Variants in CDH13 observed in about 807,000 individuals in gnomAD.
CDH13 encodes cadherin 13, also known as cadherin-13.
A neutral mutation model predicts 63.8 loss-of-function variants in CDH13; 24 were observed. That is an observed-to-expected ratio of 0.38 (90% CI 0.27 to 0.53). The LOEUF is 0.53. Among genes scored for constraint, CDH13 ranks in the 20% least tolerant of loss-of-function variants. CDH13 has a pLI of 0.85. For synonymous variants in CDH13, 503 were observed against 355.3 expected (o/e 1.42, Z -4.67); for missense variants, 1,049 against 903.1 (o/e 1.16, Z -2.07).
At chr16:83,012,618 T>C (rs1320395519) in intron 2 of CDH13, among the ~76,000 whole-genome samples, 2 of 152,166 alleles carry the variant, frequency 1.3e-5, no homozygotes, top group Non-Finnish European at 2.9e-5. Flanking sequence ...ACTTTAAGTA[T>C]GGGAAACAGA....
At chr16:83,272,439 G>C (rs968138372) in intron 5 of CDH13, among the ~76,000 whole-genome samples, 2 of 152,202 alleles carry the variant, frequency 1.3e-5, no homozygotes, top group Non-Finnish European at 2.9e-5. Context: ...TCGTACTGCA[G>C]TTAGCACTTA....
intron 2 of CDH13, among the ~76,000 whole-genome samples, chr16:82,993,389 A>G (rs182227236): frequency 6.6e-6 from 1 of 152,172 alleles, no homozygotes; most frequent in East Asian, 1.9e-4. Flanking sequence ...GTTTTGAGTT[A>G]CCACTGGCTT....
intron 3 of CDH13, among the ~76,000 whole-genome samples, chr16:83,101,825 C>T (rs778861105): frequency 1.3e-5 from 2 of 151,986 alleles, no homozygotes; most frequent in Non-Finnish European, 2.9e-5. Context: ...GTGGCCAGGA[C>T]AGGGCTCATG....
intron 6 of CDH13, among the ~76,000 whole-genome samples, chr16:83,461,023 A>ACACACACACACACAC (rs1555552634): frequency 6.6e-6 from 1 of 151,510 alleles, no homozygotes. Flanking sequence ...ACACACACAG[A>ACACACACACACACAC]ACAAACACTG....
At chr16:82,682,993 G>A (rs960957181) in intron 1 of CDH13, among the ~76,000 whole-genome samples, 5 of 152,120 alleles carry the variant, frequency 3.3e-5, no homozygotes, top group East Asian at 1.9e-4. Flanking sequence ...ATTAGACCTC[G>A]GGTTCAAGTT....
At chr16:83,312,451 G>C (rs1007643586) in intron 5 of CDH13, among the ~76,000 whole-genome samples, 4 of 152,196 alleles carry the variant, frequency 2.6e-5, no homozygotes, top group African/African-American at 7.2e-5. Context: ...CTCTTAGGCA[G>C]AACCAATGGA....
intron 2 of CDH13, among the ~76,000 whole-genome samples, chr16:83,011,766 G>C (rs890900751): frequency 1.4e-4 from 22 of 152,078 alleles, no homozygotes; most frequent in Middle Eastern, 3.4e-3. Context: ...TTCAGCAATC[G>C]CTATTTTACT....
intron 1 of CDH13, among the ~76,000 whole-genome samples, chr16:82,772,983 A>G (rs2035331460): frequency 6.6e-6 from 1 of 152,212 alleles, no homozygotes; most frequent in Non-Finnish European, 1.5e-5. Context: ...TTATCAGGAA[A>G]AAAAACCATG....
chr16:82,746,230 TTATA>T (rs2034163823), intron 1 of CDH13, among the ~76,000 whole-genome samples: 1 of 151,196 alleles, frequency 6.6e-6, no homozygotes, highest in African/African-American at 2.4e-5. Flanking sequence ...ATATATGTGT[TTATA>T]TATAAACACA....
At chr16:82,720,920 C>G (rs1246082232) in intron 1 of CDH13, among the ~76,000 whole-genome samples, 2 of 152,144 alleles carry the variant, frequency 1.3e-5, no homozygotes, top group Non-Finnish European at 2.9e-5. Flanking sequence ...TAAATACTAA[C>G]TGAATAAATG....
At chr16:83,652,850 G>A (rs551100005) in intron 8 of CDH13, among the ~76,000 whole-genome samples, 1 of 152,276 alleles carries the variant, frequency 6.6e-6, no homozygotes, top group Admixed American at 6.5e-5. Flanking sequence ...TTGCAGATGT[G>A]AACATTCACA....
intron 10 of CDH13, among the ~76,000 whole-genome samples, chr16:83,691,276 G>T (rs560115583): frequency 6.6e-6 from 1 of 152,166 alleles, no homozygotes; most frequent in Non-Finnish European, 1.5e-5. Flanking sequence ...TGTTCTTGTT[G>T]AGTTTGAGGT....
chr16:82,855,655 C>G (rs1025063837), intron 1 of CDH13, among the ~76,000 whole-genome samples: 3 of 152,214 alleles, frequency 2.0e-5, no homozygotes, highest in African/African-American at 4.8e-5. Flanking sequence ...CCAGAGCCTG[C>G]TCTCAAGACA....
chr16:83,395,623 A>G (rs949840172), intron 6 of CDH13, among the ~76,000 whole-genome samples: 1 of 152,144 alleles, frequency 6.6e-6, no homozygotes, highest in Non-Finnish European at 1.5e-5. Context: ...CAGCCTGGTC[A>G]TTGCTCAAAG....
At chr16:82,962,583 G>A (rs1907183761) in intron 2 of CDH13, among the ~76,000 whole-genome samples, 1 of 152,170 alleles carries the variant, frequency 6.6e-6, no homozygotes, top group African/African-American at 2.4e-5. Flanking sequence ...GAAGACAGAC[G>A]GGAGTGGGAG....
intron 5 of CDH13, among the ~76,000 whole-genome samples, chr16:83,340,850 G>A (rs914087378): frequency 3.3e-5 from 5 of 152,092 alleles, no homozygotes; most frequent in Non-Finnish European, 5.9e-5. Context: ...TTTGTTGAGT[G>A]CCCCTCTCAT....
chr16:83,277,704 C>G (rs2089036358), intron 5 of CDH13, among the ~76,000 whole-genome samples: 2 of 152,088 alleles, frequency 1.3e-5, no homozygotes, highest in Non-Finnish European at 2.9e-5. Flanking sequence ...TCCCTTAAGT[C>G]AAACGTGAAA....
At chr16:83,177,212 T>C (rs918845640) in intron 4 of CDH13, among the ~76,000 whole-genome samples, 4 of 152,192 alleles carry the variant, frequency 2.6e-5, no homozygotes, top group African/African-American at 9.6e-5. Context: ...ACTCAAATAC[T>C]CAGATCTTTG....
At chr16:83,439,599 C>T (rs1049122779) in intron 6 of CDH13, among the ~76,000 whole-genome samples, 1 of 152,182 alleles carries the variant, frequency 6.6e-6, no homozygotes, top group Non-Finnish European at 1.5e-5. Context: ...GGCAAAGAAG[C>T]AGCTATTGTT....
Sources: gnomAD v4.1 joint callset for allele counts (sites outside exome capture counted in the v4.1 genomes callset) on GRCh38, gnomAD v4.1.1 for gene constraint, MANE v1.5 for transcripts, NCBI Gene and HGNC (gene_info 2026-07-23, HGNC 2026-07-21) for gene names.